FSTL4: variants seen among roughly 807,000 people sequenced by gnomAD.
FSTL4 encodes the protein follistatin like 4.
Under a neutral mutation model 78.2 loss-of-function variants are expected in FSTL4, and 28 were observed. That is an observed-to-expected ratio of 0.36 (90% CI 0.27 to 0.49). The LOEUF is 0.49. Among genes scored for constraint, FSTL4 ranks in the 20% least tolerant of loss-of-function variants. FSTL4 has a pLI of 0.98. For missense variants in FSTL4, 922 were observed against 1,084.9 expected (o/e 0.85, Z 2.11); for synonymous variants, 422 against 440.5 (o/e 0.96, Z 0.53).
intron 6 of FSTL4, chr5:133,266,473 C>T (rs1752643227): frequency 2.6e-5 from 4 of 152,290 alleles, no homozygotes; most frequent in South Asian, 2.1e-4. Context: ...AGGCCCTGCC[C>T]GGCTCCTGCC....
intron 3 of FSTL4, among the ~76,000 whole-genome samples, chr5:133,427,032 C>T (rs893290595): frequency 6.6e-6 from 1 of 152,172 alleles, no homozygotes; most frequent in African/African-American, 2.4e-5. Flanking sequence ...CTCTTCCATC[C>T]TATGAACTAG....
At chr5:133,791,036 C>T in the FSTL4 span, among the ~76,000 whole-genome samples, 5 of 152,242 alleles carry the variant, frequency 3.3e-5, no homozygotes, top group Non-Finnish European at 5.9e-5. Flanking sequence ...GATCCCTTCT[C>T]CTACCACAGT....
intron 2 of FSTL4, among the ~76,000 whole-genome samples, chr5:133,595,371 C>T (rs1489845936): frequency 6.6e-6 from 1 of 152,230 alleles, no homozygotes; most frequent in African/African-American, 2.4e-5. Context: ...AAACTCAAGA[C>T]ACCTTGTCCA....
chr5:133,777,305 T>C, the FSTL4 span, among the ~76,000 whole-genome samples: 1 of 152,218 alleles, frequency 6.6e-6, no homozygotes, highest in Non-Finnish European at 1.5e-5. Context: ...CAAAATGTTA[T>C]ACAGTATGCT....
chr5:133,301,478 G>C (rs1245605884), intron 6 of FSTL4, among the ~76,000 whole-genome samples: 1 of 152,164 alleles, frequency 6.6e-6, no homozygotes, highest in Non-Finnish European at 1.5e-5. Flanking sequence ...GTCTGAAGGG[G>C]ATAAGGAAGA....
intron 3 of FSTL4, among the ~76,000 whole-genome samples, chr5:133,505,340 G>T (rs993527666): frequency 6.6e-6 from 1 of 152,194 alleles, no homozygotes; most frequent in Non-Finnish European, 1.5e-5. Context: ...AACAGAGGAG[G>T]TTCCTGTCCT....
chr5:133,719,089 T>C, the FSTL4 span, among the ~76,000 whole-genome samples: 215 of 152,352 alleles, frequency 1.4e-3, 3 homozygotes, highest in East Asian at 0.036. Flanking sequence ...TAATCTTCTG[T>C]TTTTGAATAT....
chr5:133,201,890 C>G (rs1386094778), intron 15 of FSTL4, 43 bp downstream of exon 15: 2 of 1,153,606 alleles, frequency 1.7e-6, no homozygotes, highest in East Asian at 2.4e-5. Flanking sequence ...CAGGGCTGAG[C>G]TGGAGCGGGG....
intron 2 of FSTL4, among the ~76,000 whole-genome samples, chr5:133,576,313 T>C (rs939021738): frequency 1.3e-5 from 2 of 152,122 alleles, no homozygotes; most frequent in Non-Finnish European, 2.9e-5. Context: ...TAGTCACGCC[T>C]CTCCATCTGT....
At chr5:133,296,391 A>G (rs955838991) in intron 6 of FSTL4, among the ~76,000 whole-genome samples, 1 of 152,234 alleles carries the variant, frequency 6.6e-6, no homozygotes, top group Non-Finnish European at 1.5e-5. Flanking sequence ...CCTTTAAAAT[A>G]TAAAGTCAGA....
At chr5:133,819,096 C>T in the FSTL4 span, among the ~76,000 whole-genome samples, 5 of 150,566 alleles carry the variant, frequency 3.3e-5, no homozygotes, top group Admixed American at 1.3e-4. Flanking sequence ...AATGCTGGGT[C>T]GGAACCTGCT....
chr5:133,605,636 G>A (rs556035249), intron 1 of FSTL4, among the ~76,000 whole-genome samples: 1 of 152,082 alleles, frequency 6.6e-6, no homozygotes, highest in Non-Finnish European at 1.5e-5. Context: ...TGCCCACAGG[G>A]AGGAGAAGTC....
chr5:133,427,927 A>G (rs1756861589), intron 3 of FSTL4, among the ~76,000 whole-genome samples: 1 of 152,174 alleles, frequency 6.6e-6, no homozygotes, highest in African/African-American at 2.4e-5. Context: ...GGGCAGGCAC[A>G]AGGGGTGAGA....
chr5:133,493,351 C>G (rs1440480295), intron 3 of FSTL4, among the ~76,000 whole-genome samples: 1 of 152,104 alleles, frequency 6.6e-6, no homozygotes, highest in Non-Finnish European at 1.5e-5. Context: ...TCTCTAGGAG[C>G]TCTAGTGGTT....
At chr5:133,240,394 C>T (rs1751814554) in intron 7 of FSTL4, among the ~76,000 whole-genome samples, 2 of 152,242 alleles carry the variant, frequency 1.3e-5, no homozygotes, top group Admixed American at 1.3e-4. Context: ...TTGGAGCAAT[C>T]TCTAAGTAGC....
In FSTL4 at chr5:133,459,434, A is replaced by T. The variant is rs372385829; in HGVS notation, c.161-58448T>A. Among the ~76,000 whole-genome samples, 34 of 152,254 alleles carry T rather than the reference A, an allele frequency of 2.2e-4. No individual in the cohort carries two copies. In the East Asian group the frequency reaches 6.0e-3, roughly 27 times the overall value. ...GACAATTAAATATGACGAGGATTAG[A>T]TTTTTTTAATTCCAGGTTAAAAAAA... On this transcript the variant is annotated intron_variant, in intron 3 of 15. Transcript: ENST00000265342.
chr5:133,799,865 C>T, the FSTL4 span, among the ~76,000 whole-genome samples: 1 of 138,968 alleles, frequency 7.2e-6, no homozygotes, highest in Non-Finnish European at 1.6e-5. Flanking sequence ...AACAGAGATG[C>T]GACACGTGCC....
At chr5:133,791,797 C>T in the FSTL4 span, among the ~76,000 whole-genome samples, 24 of 152,248 alleles carry the variant, frequency 1.6e-4, no homozygotes, top group Admixed American at 2.6e-4. Flanking sequence ...GGTTTTGCAT[C>T]GATGTGGGAG....
chr5:133,526,059 C>T (rs1372124391), intron 3 of FSTL4, among the ~76,000 whole-genome samples: 1 of 152,068 alleles, frequency 6.6e-6, no homozygotes, highest in African/African-American at 2.4e-5. Context: ...CACTGAGGGC[C>T]CTGAGGAAAG....
Sources: gnomAD v4.1 joint callset for allele counts (sites outside exome capture counted in the v4.1 genomes callset) on GRCh38, gnomAD v4.1.1 for gene constraint, MANE v1.5 for transcripts, NCBI Gene and HGNC (gene_info 2026-07-23, HGNC 2026-07-21) for gene names.